EEA1: variants seen among roughly 807,000 people sequenced by gnomAD.
EEA1 encodes the protein early endosome antigen 1, also known as early endosome antigen 1, 162kD.
EEA1 carries 111 observed loss-of-function variants against 209.2 expected under a neutral mutation model. The ratio of observed to expected loss-of-function variants is 0.53; its 90% confidence interval spans 0.45 to 0.62. The LOEUF (loss-of-function observed/expected upper bound fraction) is 0.62. Among genes scored for constraint, EEA1 ranks in the 20% least tolerant of loss-of-function variants. The pLI, the probability that EEA1 is intolerant of heterozygous loss-of-function variation, is 0.00. For missense variants in EEA1, 1,343 were observed against 1,530.8 expected (o/e 0.88, Z 2.05); for synonymous variants, 536 against 540.6 (o/e 0.99, Z 0.12).
At chr12:92,881,713 T>A (rs1879152832) in intron 2 of EEA1, among the ~76,000 whole-genome samples, 1 of 152,172 alleles carries the variant, frequency 6.6e-6, no homozygotes, top group Admixed American at 6.5e-5. Context: ...CAGCTTGGAA[T>A]AGGATAAACA....
chr12:92,812,699 ACT>A (rs1875578800), intron 16 of EEA1, among the ~76,000 whole-genome samples: 1 of 152,138 alleles, frequency 6.6e-6, no homozygotes, highest in Admixed American at 6.5e-5. Context: ...AGGAAACATT[ACT>A]GCTCTACACC....
chr12:92,867,468 AAAG>A (rs982491099), intron 2 of EEA1, among the ~76,000 whole-genome samples: 11 of 152,298 alleles, frequency 7.2e-5, no homozygotes, highest in East Asian at 1.9e-4. Context: ...TGGCCAAAAA[AAAG>A]AAGATCTTTA....
At chr12:92,811,040 A>G (rs1338627058) in intron 17 of EEA1, among the ~76,000 whole-genome samples, 1 of 152,150 alleles carries the variant, frequency 6.6e-6, no homozygotes, top group Non-Finnish European at 1.5e-5. Flanking sequence ...AACACATTAC[A>G]ATGGAATCAG....
intron 2 of EEA1, among the ~76,000 whole-genome samples, chr12:92,871,988 C>A (rs531979760): frequency 6.6e-6 from 1 of 151,918 alleles, no homozygotes; most frequent in East Asian, 1.9e-4. Flanking sequence ...TCAAGGGGTT[C>A]TTGTGCCTCA....
At chr12:92,834,328 G>A (rs1876809382) in intron 10 of EEA1, among the ~76,000 whole-genome samples, 1 of 152,044 alleles carries the variant, frequency 6.6e-6, no homozygotes, top group Non-Finnish European at 1.5e-5. Flanking sequence ...AAGATTACTT[G>A]AGGTCAGGAG....
chr12:92,903,875 G>C (rs1427358842), intron 1 of EEA1, among the ~76,000 whole-genome samples: 1 of 151,944 alleles, frequency 6.6e-6, no homozygotes, highest in Non-Finnish European at 1.5e-5. Flanking sequence ...GAATAGATGA[G>C]ATTTGTGTTA....
chr12:92,845,416 A>G (rs977461804), intron 9 of EEA1, among the ~76,000 whole-genome samples: 12 of 152,200 alleles, frequency 7.9e-5, no homozygotes, highest in Admixed American at 1.3e-4. Context: ...TACAAAAGAC[A>G]AAAAGTAAAT....
intron 14 of EEA1, among the ~76,000 whole-genome samples, chr12:92,818,978 C>T (rs960844604): frequency 6.6e-6 from 1 of 152,116 alleles, no homozygotes; most frequent in Non-Finnish European, 1.5e-5. Context: ...TTTTTCTAAA[C>T]ATCACAAAAT....
At chr12:92,842,430 C>T in intron 10 of EEA1, 35 bp downstream of exon 10, 1 of 987,938 alleles carries the variant, frequency 1.0e-6, no homozygotes, top group Non-Finnish European at 1.6e-6. Context: ...TACATAAAAT[C>T]AATTTGCTAT....
Position 92,832,693 on chromosome 12 carries a change from G to A in EEA1, c.1073C>T (p.Thr358Ile). ...TTCTACATGTATTCTATGCAGTGAG[G>A]TTTCAGATGCAGACAATCTTGACTG... Reference protein sequence around the residue: ...QLQSRLSASETSLHRIHVELS... With the variant: ...QLQSRLSASEISLHRIHVELS... Residue 358 changes from threonine (T) to isoleucine (I), a missense_variant, in exon 11 of 29, where the codon ACC becomes ATC. By Grantham distance (89) the Thr-to-Ile change is moderately conservative (BLOSUM62 -1). Coordinates refer to ENST00000322349, the MANE Select transcript of EEA1 (RefSeq NM_003566.4). 1.2e-6 allele frequency: 2 copies of A among 1,613,932 alleles called. No individual in the cohort carries two copies. The highest frequency in any genetic ancestry group is 1.7e-6 in the Non-Finnish European group (2 of 1,179,978).
At chr12:92,853,462 A>C (rs183620905) in intron 6 of EEA1, among the ~76,000 whole-genome samples, 1 of 152,268 alleles carries the variant, frequency 6.6e-6, no homozygotes, top group East Asian at 1.9e-4. Flanking sequence ...TATAGGCATG[A>C]GCCACCAAGC....
chr12:92,845,051 T>C (rs987760381), intron 9 of EEA1, among the ~76,000 whole-genome samples: 1 of 152,126 alleles, frequency 6.6e-6, no homozygotes, highest in African/African-American at 2.4e-5. Context: ...TATCCTATTT[T>C]ATAGCTTTTA....
chr12:92,914,614 C>A (rs971350666), intron 1 of EEA1, among the ~76,000 whole-genome samples: 2 of 151,764 alleles, frequency 1.3e-5, no homozygotes, highest in African/African-American at 4.8e-5. Context: ...CACTTGAGGC[C>A]AAGAGTTTAA....
chr12:92,914,695 G>A (rs1472405883), intron 1 of EEA1, among the ~76,000 whole-genome samples: 6 of 148,998 alleles, frequency 4.0e-5, no homozygotes, highest in East Asian at 3.9e-4. Context: ...AAGGAGTCTC[G>A]CTCTGTAACC....
intron 1 of EEA1, among the ~76,000 whole-genome samples, chr12:92,899,752 C>T (rs1388993968): frequency 6.6e-6 from 1 of 152,186 alleles, no homozygotes; most frequent in Non-Finnish European, 1.5e-5. Context: ...CTACTTTCTC[C>T]TTCCTCTTGC....
chr12:92,842,331 G>A (rs1877201733), intron 10 of EEA1, 134 bp downstream of exon 10: 1 of 520,462 alleles, frequency 1.9e-6, no homozygotes, highest in South Asian at 2.8e-5. Context: ...GCACAATAAT[G>A]TGAACATATT....
intron 1 of EEA1, among the ~76,000 whole-genome samples, chr12:92,905,184 T>G (rs1394151064): frequency 6.6e-6 from 1 of 152,164 alleles, no homozygotes; most frequent in Non-Finnish European, 1.5e-5. Context: ...TTCCAAGTTT[T>G]AGGAGCTCCA....
At chr12:92,825,938 A>G (rs1396940170) in intron 13 of EEA1, among the ~76,000 whole-genome samples, 3 of 150,836 alleles carry the variant, frequency 2.0e-5, no homozygotes, top group African/African-American at 4.8e-5. Flanking sequence ...AATATTTTAC[A>G]TTATGTTGGA....
intron 1 of EEA1, among the ~76,000 whole-genome samples, chr12:92,917,418 G>A (rs1028897166): frequency 6.7e-6 from 1 of 149,532 alleles, no homozygotes; most frequent in African/African-American, 2.5e-5. Flanking sequence ...CTACAAGCCA[G>A]AAGAGAGTGG....
Sources: allele counts gnomAD v4.1 joint callset (sites outside exome capture counted in the v4.1 genomes callset), GRCh38; gene constraint gnomAD v4.1.1; transcripts MANE v1.5; gene names NCBI Gene and HGNC (gene_info 2026-07-23, HGNC 2026-07-21).